The following CADPS variants were observed in gnomAD, a reference collection of about 807,000 sequenced individuals.
CADPS encodes the protein calcium-dependent secretion activator 1.
Under a neutral mutation model 167.3 loss-of-function variants are expected in CADPS, and 57 were observed. That is an observed-to-expected ratio of 0.34 (90% confidence interval 0.28 to 0.42). CADPS has a LOEUF of 0.42. Among genes scored for constraint, CADPS ranks in the 20% least tolerant of loss-of-function variants. The probability of loss-of-function intolerance (pLI) is 1.00; values close to 1 mark genes in which losing one functional copy is unlikely to be tolerated. For missense variants in CADPS, 1,414 were observed against 1,738.1 expected, an observed-to-expected ratio of 0.81 and a Z score of 3.32; for synonymous variants, 676 against 635.3, an observed-to-expected ratio of 1.06 and a Z score of -0.96.
intron 1 of CADPS, among the ~76,000 whole-genome samples, chr3:62,871,414 AG>A: frequency 6.6e-6 from 1 of 152,138 alleles, no homozygotes; most frequent in East Asian, 1.9e-4. Context: ...AGGGGAAGAA[AG>A]GAGGACCTCT....
intron 28 of CADPS, among the ~76,000 whole-genome samples, chr3:62,427,172 A>G (rs912174417): frequency 2.0e-5 from 3 of 152,118 alleles, no homozygotes; most frequent in Non-Finnish European, 4.4e-5. Flanking sequence ...TTGTTGAAGC[A>G]TTAATGCTCC....
chr3:62,713,035 C>G (rs138052029), intron 3 of CADPS, among the ~76,000 whole-genome samples: 252 of 152,326 alleles, frequency 1.7e-3, no homozygotes, highest in African/African-American at 5.5e-3. Flanking sequence ...GATTATATAG[C>G]CTTGCAGCAT....
In CADPS at chr3:62,722,829, C is replaced by T. The variant is rs866704975; in HGVS notation, c.888+30612G>A. ...TTTTTTGTGGGGGTGTGTCTGTGTG[C>T]GTGGTGGGGGCCGTGAGGGTCCTGT... On this transcript the variant is annotated intron_variant, in intron 3 of 29. Coordinates refer to ENST00000383710, the MANE Select transcript of CADPS (RefSeq NM_003716.4). Among the ~76,000 whole-genome samples, 36 of 152,166 alleles carry T rather than the reference C, an allele frequency of 2.4e-4. No individual in the cohort carries two copies. The Middle Eastern group carries it at 0.024, about 101-fold the overall frequency.
At chr3:62,842,372 C>T (rs868367907) in intron 1 of CADPS, among the ~76,000 whole-genome samples, 2 of 152,310 alleles carry the variant, frequency 1.3e-5, no homozygotes, top group African/African-American at 2.4e-5. Flanking sequence ...TTCAGGTTGT[C>T]AAGTTCCAGA....
intron 3 of CADPS, among the ~76,000 whole-genome samples, chr3:62,700,870 A>C (rs1455152694): frequency 6.6e-6 from 1 of 152,112 alleles, no homozygotes; most frequent in African/African-American, 2.4e-5. Context: ...TGGCTTATAA[A>C]CAACAGAAAT....
chr3:62,546,468 G>T lies in CADPS; in HGVS notation c.1966+3435C>A, dbSNP rs73104958. Among the ~76,000 whole-genome samples, 15 of 152,182 alleles carry T rather than the reference G, an allele frequency of 9.9e-5. 1 individual carries two copies. In the South Asian group the frequency reaches 3.1e-3, roughly 32 times the overall value. ...TTTGACTGAGTTACCCATGTGTAAGGCTTGATCTATTTAGTACTGACGGTT... is the reference window on the plus strand; with the variant it reads ...TTTGACTGAGTTACCCATGTGTAAGTCTTGATCTATTTAGTACTGACGGTT... On this transcript the variant is annotated intron_variant, in intron 11 of 29. Coordinates refer to ENST00000383710, the MANE Select transcript of CADPS (RefSeq NM_003716.4).
chr3:62,423,499 T>C (rs1294521163), intron 28 of CADPS, among the ~76,000 whole-genome samples: 1 of 152,220 alleles, frequency 6.6e-6, no homozygotes. Context: ...TGGGGGCTTT[T>C]AGGGGTAGGA....
chr3:62,775,196 C>T (rs148860681), intron 1 of CADPS, among the ~76,000 whole-genome samples: 3,095 of 136,790 alleles, frequency 0.023, 48 homozygotes, highest in South Asian at 0.059. Context: ...CACCACCAAG[C>T]CCAGCCAATT....
intron 13 of CADPS, chr3:62,530,827 T>C: frequency 7.9e-7 from 1 of 1,260,956 alleles, no homozygotes; most frequent in South Asian, 1.3e-5. Context: ...GGAGAGGGGG[T>C]GGTCGCATGA....
At chr3:62,528,217 G>A (rs1292367483) in intron 13 of CADPS, among the ~76,000 whole-genome samples, 1 of 152,154 alleles carries the variant, frequency 6.6e-6, no homozygotes, top group Non-Finnish European at 1.5e-5. Context: ...AGGTAGAGTG[G>A]TTACAAATGC....
intron 21 of CADPS, among the ~76,000 whole-genome samples, chr3:62,483,324 A>AGGGGAGTG (rs1193462484): frequency 5.4e-5 from 2 of 36,774 alleles, no homozygotes; most frequent in South Asian, 1.0e-3. Flanking sequence ...GTAGGGGAGT[A>AGGGGAGTG]GGGGAGTGGG....
At chr3:62,427,648 CCCCGG>C (rs1216630936) in intron 28 of CADPS, among the ~76,000 whole-genome samples, 5 of 152,004 alleles carry the variant, frequency 3.3e-5, no homozygotes, top group African/African-American at 1.2e-4. Flanking sequence ...AAAAATCACC[CCCCGG>C]TAGAAGCACT....
chr3:62,484,999 G>C (rs984854519), intron 21 of CADPS, among the ~76,000 whole-genome samples: 2 of 151,934 alleles, frequency 1.3e-5, no homozygotes, highest in African/African-American at 4.8e-5. Context: ...TATCTTCCTA[G>C]AATCTAGAGC....
At chr3:62,831,409 A>C (rs1325708513) in intron 1 of CADPS, among the ~76,000 whole-genome samples, 1 of 152,092 alleles carries the variant, frequency 6.6e-6, no homozygotes, top group Non-Finnish European at 1.5e-5. Flanking sequence ...TTCTGTAACA[A>C]CAGTTCCATT....
Position 62,599,780 on chromosome 3 carries a change from T to TTG in CADPS, c.1326-7033_1326-7032insCA, listed in dbSNP as rs1553968965. Among the ~76,000 whole-genome samples the TTG allele has an allele frequency of 1.9e-3, 24 of 12,320 alleles. 9 individuals carry two copies. Among genetic ancestry groups the TTG allele is most frequent in the Non-Finnish European group, 3.1e-3 (22 of 7,158 alleles). 8.1% of individuals were successfully genotyped at this position (12,320 alleles called of 152,430 possible). ...ATATATTGTATATATAATATATATA[T>TTG]TATATATAATATATATAATATATAA... On this transcript the variant is annotated intron_variant, in intron 6 of 29. Transcript: ENST00000383710.
At chr3:62,710,308 T>C (rs1236434164) in intron 3 of CADPS, among the ~76,000 whole-genome samples, 1 of 151,872 alleles carries the variant, frequency 6.6e-6, no homozygotes, top group Non-Finnish European at 1.5e-5. Flanking sequence ...TTTAAACAAA[T>C]ACTGATTCCT....
At chr3:62,535,650 A>G (rs1237857067) in intron 12 of CADPS, among the ~76,000 whole-genome samples, 1 of 152,090 alleles carries the variant, frequency 6.6e-6, no homozygotes, top group African/African-American at 2.4e-5. Flanking sequence ...AGTGGGATTA[A>G]TAGCATTTAC....
At chr3:62,725,638 G>C (rs891849882) in intron 3 of CADPS, among the ~76,000 whole-genome samples, 7 of 149,602 alleles carry the variant, frequency 4.7e-5, no homozygotes, top group Non-Finnish European at 7.4e-5. Flanking sequence ...TTTAGACATT[G>C]CTGGTATACA....
At chr3:62,635,773 A>T (rs557562458) in intron 6 of CADPS, among the ~76,000 whole-genome samples, 2 of 151,944 alleles carry the variant, frequency 1.3e-5, no homozygotes, top group Non-Finnish European at 2.9e-5. Context: ...TACTCTGAAG[A>T]GGTTTTCAAG....
Sources: gnomAD v4.1 joint callset for allele counts (sites outside exome capture counted in the v4.1 genomes callset) on GRCh38, gnomAD v4.1.1 for gene constraint, MANE v1.5 for transcripts, NCBI Gene and HGNC (gene_info 2026-07-23, HGNC 2026-07-21) for gene names.